Variants in GRIA4 observed in about 807,000 individuals in gnomAD.
The protein encoded by GRIA4 is glutamate ionotropic receptor AMPA type subunit 4, also known as glutamate receptor 4.
A neutral mutation model predicts 104.0 loss-of-function variants in GRIA4; 34 were observed. That is an observed-to-expected ratio of 0.33 (90% CI 0.25 to 0.44). GRIA4 has a LOEUF of 0.44. GRIA4 is among the 20% of genes least tolerant of loss of function. The pLI is 1.00. For missense variants in GRIA4, 750 were observed against 1,096.5 expected (o/e 0.68, Z 4.46); for synonymous variants, 386 against 381.9 (o/e 1.01, Z -0.13).
chr11:105,769,873 A>T (rs1941130752), intron 4 of GRIA4, among the ~76,000 whole-genome samples: 1 of 152,096 alleles, frequency 6.6e-6, no homozygotes, highest in Non-Finnish European at 1.5e-5. Context: ...AAAGTTTATC[A>T]TTTGGATTTG....
At chr11:105,826,517 T>G (rs1186001406) in intron 4 of GRIA4, among the ~76,000 whole-genome samples, 1 of 152,058 alleles carries the variant, frequency 6.6e-6, no homozygotes, top group Admixed American at 6.6e-5. Flanking sequence ...TTGTCTTCTC[T>G]GAATGGATCC....
At chr11:105,643,010 G>A (rs1387559006) in intron 3 of GRIA4, among the ~76,000 whole-genome samples, 4 of 152,136 alleles carry the variant, frequency 2.6e-5, no homozygotes, top group African/African-American at 9.7e-5. Flanking sequence ...AAGGAGAAGT[G>A]CTGAGCAATA....
intron 4 of GRIA4, among the ~76,000 whole-genome samples, chr11:105,838,237 T>C (rs896465408): frequency 6.6e-6 from 1 of 152,214 alleles, no homozygotes; most frequent in Non-Finnish European, 1.5e-5. Context: ...AAATTCCATG[T>C]CTGCAAATTA....
chr11:105,965,209 G>T (rs1948836670), intron 14 of GRIA4, among the ~76,000 whole-genome samples: 1 of 151,904 alleles, frequency 6.6e-6, no homozygotes, highest in Admixed American at 6.6e-5. Flanking sequence ...GGGTTTGTTT[G>T]CAAAGTCAGT....
chr11:105,848,470 T>A (rs1430714226), intron 4 of GRIA4, among the ~76,000 whole-genome samples: 1 of 152,176 alleles, frequency 6.6e-6, no homozygotes, highest in South Asian at 2.1e-4. Flanking sequence ...GTCCCCAGAG[T>A]GTAATGAAAG....
chr11:105,887,657 T>C, intron 6 of GRIA4, 85 bp downstream of exon 6: 1 of 721,964 alleles, frequency 1.4e-6, no homozygotes, highest in Non-Finnish European at 2.5e-6. Flanking sequence ...AATGCTTCAA[T>C]AAATAGAGTA....
At chr11:105,646,391 G>A (rs146944791) in intron 3 of GRIA4, among the ~76,000 whole-genome samples, 1 of 152,164 alleles carries the variant, frequency 6.6e-6, no homozygotes, top group African/African-American at 2.4e-5. Context: ...CCAGGAGTTC[G>A]ATACCAGCCT....
In GRIA4 at chr11:105,714,254, CAAA is replaced by C. The variant is rs150688023; in HGVS notation, c.248-38718_248-38716del. 5.4e-3 allele frequency among the ~76,000 whole-genome samples: 806 copies of C among 148,820 alleles called. 10 individuals are homozygous for C. Among genetic ancestry groups the C allele is most frequent in the African/African-American group, 0.018 (745 of 40,660 alleles). ...CAGAAATATTTTAAATTTTGAAAAA[CAAA>C]AAAAAAAATCAATATATATAATTGA... On this transcript the variant is annotated intron_variant, in intron 3 of 16. Coordinates refer to ENST00000282499, the MANE Select transcript of GRIA4 (RefSeq NM_000829.4).
chr11:105,919,720 T>G (rs1209968199), intron 11 of GRIA4, among the ~76,000 whole-genome samples: 3 of 152,178 alleles, frequency 2.0e-5, no homozygotes, highest in Non-Finnish European at 4.4e-5. Context: ...ATGCTAGTGA[T>G]AGCACAATAT....
chr11:105,965,857 G>A (rs1858336023), intron 14 of GRIA4: 1 of 914,384 alleles, frequency 1.1e-6, no homozygotes, highest in African/African-American at 1.7e-5. Context: ...TTAGCGTCTG[G>A]GAGAAGCTTA....
chr11:105,976,728 A>T (rs1340745765), intron 16 of GRIA4, among the ~76,000 whole-genome samples: 1 of 152,014 alleles, frequency 6.6e-6, no homozygotes, highest in Non-Finnish European at 1.5e-5. Context: ...GATTCTACTA[A>T]AAAGTGATCA....
chr11:105,872,364 C>T (rs964655426), intron 5 of GRIA4, among the ~76,000 whole-genome samples: 2 of 152,056 alleles, frequency 1.3e-5, no homozygotes, highest in Admixed American at 6.6e-5. Context: ...GAGAACATCA[C>T]ATATTAAAAG....
intron 4 of GRIA4, among the ~76,000 whole-genome samples, chr11:105,812,592 T>C (rs1467575619): frequency 1.3e-5 from 2 of 152,084 alleles, no homozygotes; most frequent in Non-Finnish European, 2.9e-5. Context: ...AGAATATGAA[T>C]ATCAAGTGAC....
intron 4 of GRIA4, among the ~76,000 whole-genome samples, chr11:105,806,730 G>A (rs1942968268): frequency 6.6e-6 from 1 of 151,538 alleles, no homozygotes; most frequent in South Asian, 2.1e-4. Flanking sequence ...CACAGCCACT[G>A]AGAAATTCAA....
intron 5 of GRIA4, among the ~76,000 whole-genome samples, chr11:105,866,864 T>C (rs1336102553): frequency 6.6e-6 from 1 of 151,886 alleles, no homozygotes; most frequent in Non-Finnish European, 1.5e-5. Flanking sequence ...CTAGTACACA[T>C]CATGGATGTA....
chr11:105,731,120 T>A (rs1565499251), intron 3 of GRIA4, among the ~76,000 whole-genome samples: 1 of 152,008 alleles, frequency 6.6e-6, no homozygotes. Flanking sequence ...ATTTTTGAAA[T>A]CTATCCATCT....
chr11:105,669,749 GAATA>G (rs1313528391), intron 3 of GRIA4, among the ~76,000 whole-genome samples: 1 of 152,080 alleles, frequency 6.6e-6, no homozygotes, highest in African/African-American at 2.4e-5. Flanking sequence ...ACTATTTTGT[GAATA>G]AATAAACACT....
intron 3 of GRIA4, among the ~76,000 whole-genome samples, chr11:105,712,212 G>A (rs953189521): frequency 5.3e-5 from 8 of 151,970 alleles, no homozygotes; most frequent in Non-Finnish European, 1.2e-4. Context: ...TTTGGCATTT[G>A]CTTTTTCATA....
At chr11:105,719,937 G>A (rs572226190) in intron 3 of GRIA4, among the ~76,000 whole-genome samples, 2 of 151,938 alleles carry the variant, frequency 1.3e-5, no homozygotes, top group South Asian at 2.1e-4. Flanking sequence ...CCTGCCAATT[G>A]GTCTTTCACT....
Sources: gnomAD v4.1 joint callset for allele counts (sites outside exome capture counted in the v4.1 genomes callset) on GRCh38, gnomAD v4.1.1 for gene constraint, MANE v1.5 for transcripts, NCBI Gene and HGNC (gene_info 2026-07-23, HGNC 2026-07-21) for gene names.